Variants in KTN1 observed in about 807,000 individuals in gnomAD.
KTN1 encodes the protein kinectin 1.
A neutral mutation model predicts 222.5 loss-of-function variants in KTN1; 130 were observed. The observed-to-expected ratio is 0.58, with a 90% CI of 0.51 to 0.68. The LOEUF is 0.68. Among genes scored for constraint, KTN1 ranks in the 30% least tolerant of loss-of-function variants. The pLI is 0.00. For synonymous variants in KTN1, 512 were observed against 496.3 expected, an observed-to-expected ratio of 1.03 and a Z score of -0.42; for missense variants, 1,508 against 1,500.4, an observed-to-expected ratio of 1.01 and a Z score of -0.08.
chr14:55,672,517 GA>G (rs2045538075), intron 37 of KTN1, 112 bp from the exon 38 acceptor site: 1 of 622,228 alleles, frequency 1.6e-6, no homozygotes, highest in African/African-American at 1.9e-5. Flanking sequence ...TCTTTTAAAT[GA>G]GATGCATTTC....
intron 37 of KTN1, 63 bp from the exon 38 acceptor site, chr14:55,672,567 C>A: frequency 1.0e-6 from 1 of 957,128 alleles, no homozygotes; most frequent in Non-Finnish European, 1.7e-6. Flanking sequence ...CAGAATTCTA[C>A]AGGATAGAAA....
At chr14:55,629,815 T>C in intron 6 of KTN1, 142 bp from the exon 7 acceptor site, 1 of 642,088 alleles carries the variant, frequency 1.6e-6, no homozygotes, top group African/African-American at 1.8e-5. Flanking sequence ...TCTTTTGACC[T>C]TGCTTTTTTT....
At chr14:55,587,040 A>G (rs2033155532) in intron 1 of KTN1, among the ~76,000 whole-genome samples, 1 of 152,154 alleles carries the variant, frequency 6.6e-6, no homozygotes. Context: ...TGATGTTATA[A>G]TACGCTTATT....
At position 55,634,650 on chromosome 14, in the gene KTN1, C is replaced by G. The variant is rs571417881; in HGVS notation, c.1453C>G (p.Gln485Glu). Residue 485 changes from glutamine to glutamate, a missense_variant, in exon 9 of 44, where the codon CAG becomes GAG. By Grantham distance (29) the Gln-to-Glu change is conservative (BLOSUM62 2). Transcript: ENST00000395314. ...GAAGAATGCTGAGCAAGCAGCTACTCAGTTGAAGGTGATATATTCTCACCT... is the reference window on the plus strand; with the variant it reads ...GAAGAATGCTGAGCAAGCAGCTACTGAGTTGAAGGTGATATATTCTCACCT... ...QKKNAEQAAT[Q>E]LKVQLQEAER... 35 of 1,611,376 alleles carry G rather than the reference C, an allele frequency of 2.2e-5. No homozygotes were observed. In the East Asian group the frequency reaches 6.9e-4, roughly 32 times the overall value.
At chr14:55,640,482 C>T (rs762348367) in intron 15 of KTN1, 40 bp downstream of exon 15, 25 of 1,370,776 alleles carry the variant, frequency 1.8e-5, no homozygotes, top group Admixed American at 4.0e-5. Flanking sequence ...CTCAGAATTT[C>T]AATTTGCGTA....
chr14:55,589,194 C>T (rs2033621958), intron 1 of KTN1, among the ~76,000 whole-genome samples: 1 of 152,158 alleles, frequency 6.6e-6, no homozygotes. Flanking sequence ...GATTAATTAC[C>T]TGGCATAAAT....
rs767780047 is a variant in KTN1, at chr14:55,639,886, A to T, written c.1824-27A>T. 7.5e-6 allele frequency: 10 copies of T among 1,341,118 alleles called. No individual in the cohort carries two copies. The South Asian group carries it at 8.5e-5, about 11-fold the overall frequency. The allele number at this position is 1,341,118 out of a possible 1,614,324, so 83.1% of individuals were successfully genotyped here. A position where few individuals can be genotyped will look rare whatever the true frequency, so the allele number is the denominator to read the frequency against. ...ATTTGTGACTTCTGAATGTTTATTGAATGTACAAATGTCTTTCCTTCTAAA... is the reference window on the plus strand; with the variant it reads ...ATTTGTGACTTCTGAATGTTTATTGTATGTACAAATGTCTTTCCTTCTAAA... On this transcript the variant is annotated intron_variant, in intron 13 of 43. Transcript: ENST00000395314.
intron 5 of KTN1, among the ~76,000 whole-genome samples, chr14:55,619,869 C>T (rs539030905): frequency 2.8e-4 from 43 of 152,224 alleles, no homozygotes; most frequent in Admixed American, 2.5e-3. Flanking sequence ...ATTTCAAAAC[C>T]AATCATGCCC....
At chr14:55,671,334 C>T in intron 35 of KTN1, 1 of 492,830 alleles carries the variant, frequency 2.0e-6, no homozygotes, top group Non-Finnish European at 3.5e-6. Context: ...ATCTTACCAC[C>T]TGACTAAAGA....
At chr14:55,626,143 T>C (rs892877429) in intron 5 of KTN1, among the ~76,000 whole-genome samples, 14 of 152,072 alleles carry the variant, frequency 9.2e-5, no homozygotes, top group Non-Finnish European at 1.9e-4. Context: ...AGTAAAATAA[T>C]GGAGATCAGT....
chr14:55,684,081 C>A lies in KTN1; in HGVS notation c.4070-18C>A. ...GCTTTGTTTTAAAGTGAAATTCATTCTTTCTGATCTTTTACAGAGTGAAGT... is the reference window on the plus strand; with the variant it reads ...GCTTTGTTTTAAAGTGAAATTCATTATTTCTGATCTTTTACAGAGTGAAGT... On this transcript the variant is annotated intron_variant, in intron 43 of 43. Transcript: ENST00000395314. 1 of 1,595,288 alleles carries A rather than the reference C, an allele frequency of 6.3e-7. No individual in the cohort carries two copies. Among genetic ancestry groups the A allele is most frequent in the Non-Finnish European group, 8.6e-7 (1 of 1,167,954 alleles).
intron 42 of KTN1, 194 bp from the exon 43 acceptor site, chr14:55,679,371 G>T: frequency 4.4e-6 from 2 of 456,582 alleles, no homozygotes; most frequent in Non-Finnish European, 7.6e-6. Flanking sequence ...GTTTTCTTTG[G>T]TGCCAACTAG....
Position 55,640,956 on chromosome 14 carries a change from G to A in KTN1, c.2007G>A (p.Glu669=), listed in dbSNP as rs1303248626. Residue 669 remains glutamate, a synonymous_variant, in exon 16 of 44, where the codon GAG becomes GAA. Transcript: ENST00000395314. Reference sequence around the variant, plus strand: ...AGGCTGCTGCTGCACATGAATTGGAGAAGATGCAACAAAGGTGACTAAAGT... The same window carrying A: ...AGGCTGCTGCTGCACATGAATTGGAAAAGATGCAACAAAGGTGACTAAAGT... ...NEQAAAAHEL[E]KMQQSVYVKD... 1 of 1,611,626 alleles carries A rather than the reference G, an allele frequency of 6.2e-7. No individual in the cohort carries two copies. Among genetic ancestry groups the A allele is most frequent in the Non-Finnish European group, 8.5e-7 (1 of 1,178,244 alleles).
At chr14:55,602,413 TTCC>T (rs1211483134) in intron 1 of KTN1, among the ~76,000 whole-genome samples, 8 of 152,198 alleles carry the variant, frequency 5.3e-5, no homozygotes, top group Non-Finnish European at 1.2e-4. Context: ...TACTATATAC[TTCC>T]TTTCGCAGTG....
At chr14:55,611,566 T>C (rs936620713) in intron 1 of KTN1, among the ~76,000 whole-genome samples, 5 of 152,136 alleles carry the variant, frequency 3.3e-5, no homozygotes, top group Non-Finnish European at 7.3e-5. Flanking sequence ...ACCACCTCTT[T>C]TTGCGTGTGT....
intron 28 of KTN1, 102 bp from the exon 29 acceptor site, chr14:55,655,940 T>C: frequency 3.4e-6 from 2 of 594,462 alleles, no homozygotes; most frequent in Admixed American, 3.4e-5. Flanking sequence ...AAAAAGCTGG[T>C]ATGTATTGTT....
In KTN1 at chr14:55,675,825, A is replaced by AT; in HGVS notation, c.3772-5dup. 1 of 1,581,860 alleles carries AT rather than the reference A, an allele frequency of 6.3e-7. No homozygotes were observed. Among genetic ancestry groups the AT allele is most frequent in the Non-Finnish European group, 8.7e-7 (1 of 1,151,222 alleles). On this transcript the variant is annotated splice_polypyrimidine_tract_variant and intron_variant, in intron 40 of 43. Transcript: ENST00000395314. ...ATTAAGTTAATTGTGGTGTTCCTTT[A>AT]TTTTTACAGTTGAAGGCACAGTTAA...
At chr14:55,612,992 G>A (rs1304141778) in intron 2 of KTN1, among the ~76,000 whole-genome samples, 2 of 151,950 alleles carry the variant, frequency 1.3e-5, no homozygotes, top group East Asian at 3.8e-4. Flanking sequence ...CAGCAGTTAC[G>A]AACTTTCTAA....
chr14:55,656,266 TGG>T, intron 29 of KTN1, 134 bp downstream of exon 29: 3 of 621,964 alleles, frequency 4.8e-6, no homozygotes, highest in Non-Finnish European at 5.7e-6. Flanking sequence ...GTGTCATTAT[TGG>T]CATGTTTTTT....
Sources: allele counts gnomAD v4.1 joint callset (sites outside exome capture counted in the v4.1 genomes callset), GRCh38; gene constraint gnomAD v4.1.1; transcripts MANE v1.5; gene names NCBI Gene and HGNC (gene_info 2026-07-23, HGNC 2026-07-21).